RPL21: variants seen among roughly 807,000 people sequenced by gnomAD.
RPL21 encodes large ribosomal subunit protein eL21.
A neutral mutation model predicts 21.2 loss-of-function variants in RPL21; 1 was observed. The ratio of observed to expected loss-of-function variants is 0.05; its 90% CI spans 0.02 to 0.22. The LOEUF is 0.22. Ranked by LOEUF, RPL21 falls within the 10% of genes least tolerant of loss-of-function variation. RPL21 has a pLI of 1.00. For missense variants in RPL21, 113 were observed against 199.4 expected (o/e 0.57, Z 2.61); for synonymous variants, 52 against 62.9 (o/e 0.83, Z 0.82).
intron 2 of RPL21, 91 bp downstream of exon 2, chr13:27,253,934 A>G (rs1045969582): frequency 9.9e-6 from 8 of 811,824 alleles, no homozygotes; most frequent in African/African-American, 1.7e-5. Context: ...AATGTGTATC[A>G]ATAGAATTAA....
In RPL21 at chr13:27,255,324, C is replaced by G; in HGVS notation, c.212C>G (p.Ala71Gly). The G allele has an allele frequency of 7.0e-7, 1 of 1,430,694 alleles. No homozygotes were observed. The allele number at this position is 1,430,694 out of a possible 1,614,324, so 88.6% of individuals were successfully genotyped here. A position where few individuals can be genotyped will look rare whatever the true frequency, so the allele number is the denominator to read the frequency against. ...TGRVYNVTQH[A>G]VGIVVNKQVK... ...AGAGTCTACAATGTTACCCAGCATG[C>G]TGTTGGCATTGTTGTAAACAAACAA... Residue 71 changes from alanine (A) to glycine (G), a missense_variant, in exon 4 of 6, where the codon GCT (alanine) becomes GGT (glycine). Transcript: ENST00000311549.
At chr13:27,253,360 T>C (rs1295450846) in intron 1 of RPL21, among the ~76,000 whole-genome samples, 1 of 152,166 alleles carries the variant, frequency 6.6e-6, no homozygotes, top group Non-Finnish European at 1.5e-5. Flanking sequence ...AAAGGTTTAA[T>C]TCACATAAAA....
chr13:27,255,866 C>G (rs1282136849), intron 4 of RPL21: 1 of 329,098 alleles, frequency 3.0e-6, no homozygotes, highest in Non-Finnish European at 5.8e-6. Context: ...GCCACCGCGC[C>G]TGGCCCAGCA....
In RPL21 at chr13:27,256,187, C is replaced by T. The variant is rs1881893684; in HGVS notation, c.246C>T (p.Gly82=). The T allele has an allele frequency of 6.3e-7, 1 of 1,591,082 alleles. No homozygotes were observed. ...VGIVVNKQVK[G]KILAKRINVR... ...AAAGAATTTCTGCTCTGTCCAGGGG[C>T]AAGATTCTTGCCAAGAGAATTAATG... is the stretch of plus-strand genomic sequence containing the variant. Residue 82 remains glycine, a synonymous_variant, in exon 5 of 6, where the codon GGC becomes GGT. Transcript: ENST00000311549.
chr13:27,255,922 A>G, intron 4 of RPL21: 1 of 411,094 alleles, frequency 2.4e-6, no homozygotes. Context: ...TTTAAATTTT[A>G]TTAGCAGTCT....
In RPL21 at chr13:27,255,173, G is replaced by A. The variant is rs3094293; in HGVS notation, c.130-69G>A. ...TTTGAAAGAAATCTTAGAATACTTTGCAGTTACTTAAAGTCAGAATTTTAA... is the reference window on the plus strand; with the variant it reads ...TTTGAAAGAAATCTTAGAATACTTTACAGTTACTTAAAGTCAGAATTTTAA... On this transcript the variant is annotated intron_variant, in intron 3 of 5. Coordinates refer to ENST00000311549, the MANE Select transcript of RPL21 (RefSeq NM_000982.4). The A allele has an allele frequency of 1, 789,213 of 793,018 alleles. 392,799 individuals carry two copies. Among genetic ancestry groups the A allele is most frequent in the East Asian group, 1 (41,246 of 41,246 alleles). 49.1% of individuals were successfully genotyped at this position (793,018 alleles called of 1,614,324 possible).
chr13:27,252,218 T>C (rs140644530), intron 1 of RPL21, among the ~76,000 whole-genome samples: 54 of 152,280 alleles, frequency 3.5e-4, no homozygotes, highest in African/African-American at 1.3e-3. Flanking sequence ...TGACCCCACA[T>C]GGTGATCGGA....
At chr13:27,255,613 C>T (rs1315523157) in intron 4 of RPL21, 1 of 573,726 alleles carries the variant, frequency 1.7e-6, no homozygotes, top group Non-Finnish European at 3.3e-6. Context: ...GCTCTGTCGC[C>T]CTGGCTGGAG....
intron 4 of RPL21, 119 bp from the exon 5 acceptor site, chr13:27,256,065 T>C: frequency 1.3e-6 from 1 of 775,256 alleles, no homozygotes; most frequent in East Asian, 2.7e-5. Flanking sequence ...ACTTTGTTGA[T>C]TTGTCATATC....
In RPL21 at chr13:27,255,292, A is replaced by T; in HGVS notation, c.180A>T (p.Lys60Asn). ...KGMPHKCYHG[K>N]TGRVYNVTQH... is the part of the protein sequence containing the mutation. ...TGCCCCACAAGTGTTACCATGGCAA[A>T]ACTGGAAGAGTCTACAATGTTACCC... The change falls in exon 4 of 6, where the codon AAA becomes AAT. Residue 60 changes from lysine to asparagine, a missense_variant. By Grantham distance (94) the Lys-to-Asn change is moderately conservative. Transcript: ENST00000311549. The T allele has an allele frequency of 1.3e-6, 2 of 1,518,674 alleles. No individual in the cohort carries two copies. Among genetic ancestry groups the T allele is most frequent in the Non-Finnish European group, 1.8e-6 (2 of 1,092,974 alleles). 94.1% of individuals were successfully genotyped at this position (1,518,674 alleles called of 1,614,324 possible). A position where few individuals can be genotyped will look rare whatever the true frequency, so the allele number is the denominator to read the frequency against.
In RPL21 at chr13:27,256,522, A is replaced by G. The variant is rs1433976035; in HGVS notation, c.480A>G (p.Ala160=). 1.6e-6 allele frequency: 2 copies of G among 1,253,112 alleles called. No homozygotes were observed. Among genetic ancestry groups the G allele is most frequent in the East Asian group, 2.3e-5 (1 of 43,232 alleles). 77.6% of individuals were successfully genotyped at this position (1,253,112 alleles called of 1,614,324 possible). A position where few individuals can be genotyped will look rare whatever the true frequency, so the allele number is the denominator to read the frequency against. The change falls in exon 6 of 6, where the codon GCA becomes GCG. Residue 160 remains alanine (A), a synonymous_variant. Transcript: ENST00000311549. ...AACCTATTCCCTATGAATTCATGGC[A>G]TAATAGGTGTTAAAAAAAAAAATAA... ...LLEPIPYEFM[A]
intron 5 of RPL21, 29 bp from the exon 6 acceptor site, chr13:27,256,407 T>C: frequency 6.4e-7 from 1 of 1,568,616 alleles, no homozygotes; most frequent in South Asian, 1.1e-5. Context: ...CACATAATTA[T>C]TTTATTCCCT....
In RPL21 at chr13:27,256,059, T is replaced by C. The variant is rs982940608; in HGVS notation, c.243-125T>C. 5 of 742,068 alleles carry C rather than the reference T, an allele frequency of 6.7e-6. No individual in the cohort carries two copies. The Admixed American group carries it at 6.9e-5, about 10-fold the overall frequency. 46.0% of individuals were successfully genotyped at this position (742,068 alleles called of 1,614,324 possible). A position where few individuals can be genotyped will look rare whatever the true frequency, so the allele number is the denominator to read the frequency against. ...TAAATTAAGTAATCAAGGCATACTT[T>C]GTTGATTTGTCATATCTGGGTAAAA... On this transcript the variant is annotated intron_variant, in intron 4 of 5. Transcript: ENST00000311549.
At chr13:27,253,536 TCTG>T (rs1881748961) in intron 1 of RPL21, among the ~76,000 whole-genome samples, 1 of 152,244 alleles carries the variant, frequency 6.6e-6, no homozygotes, top group African/African-American at 2.4e-5. Context: ...CGTATCAAGT[TCTG>T]CTCCTTAAGA....
chr13:27,253,722 C>G lies in RPL21; in HGVS notation c.-12-43C>G, dbSNP rs985119721. The G allele has an allele frequency of 2.3e-5, 25 of 1,097,878 alleles. No homozygotes were observed. The African/African-American group carries it at 3.4e-4, about 15-fold the overall frequency. The allele number at this position is 1,097,878 out of a possible 1,614,324, so 68.0% of individuals were successfully genotyped here. A position where few individuals can be genotyped will look rare whatever the true frequency, so the allele number is the denominator to read the frequency against. On this transcript the variant is annotated intron_variant, in intron 1 of 5. Coordinates refer to ENST00000311549, the MANE Select transcript of RPL21 (RefSeq NM_000982.4). The stretch of plus-strand genomic sequence containing the variant: ...AAATTACAGGGGTTTGGGGCAAATG[C>G]CAGTTTTCAGTCGTATTTGACTGTT...
intron 1 of RPL21, 33 bp from the exon 2 acceptor site, chr13:27,253,732 G>T: frequency 8.1e-7 from 1 of 1,232,062 alleles, no homozygotes; most frequent in Non-Finnish European, 1.2e-6. Flanking sequence ...CCAGTTTTCA[G>T]TCGTATTTGA....
intron 1 of RPL21, among the ~76,000 whole-genome samples, chr13:27,253,296 T>C (rs537545900): frequency 1.4e-4 from 21 of 152,370 alleles, no homozygotes; most frequent in Admixed American, 7.8e-4. Flanking sequence ...AGATTTCTGA[T>C]AGTTAAATAG....
At position 27,255,962 on chromosome 13, in the gene RPL21, A is replaced by G. The variant is rs111462631; in HGVS notation, c.243-222A>G. The G allele has an allele frequency of 8.1e-3, 4,317 of 529,718 alleles. 172 individuals carry two copies. The highest frequency in any genetic ancestry group is 0.074 in the African/African-American group (3,866 of 52,182). 32.8% of individuals were successfully genotyped at this position (529,718 alleles called of 1,614,324 possible). Reference sequence around the variant, plus strand: ...TTAGATTACTAGAGTTTAAGAGACCATCATCTCATCAAAGAGAGTTAAAAG... The same window carrying G: ...TTAGATTACTAGAGTTTAAGAGACCGTCATCTCATCAAAGAGAGTTAAAAG... On this transcript the variant is annotated intron_variant, in intron 4 of 5. Coordinates refer to ENST00000311549, the MANE Select transcript of RPL21 (RefSeq NM_000982.4).
chr13:27,252,258 C>G (rs1366967438), intron 1 of RPL21, among the ~76,000 whole-genome samples: 2 of 152,064 alleles, frequency 1.3e-5, no homozygotes, highest in African/African-American at 2.4e-5. Flanking sequence ...GGTTGCAACA[C>G]CAATATTTGC....
Sources: gnomAD v4.1 joint callset for allele counts (sites outside exome capture counted in the v4.1 genomes callset) on GRCh38, gnomAD v4.1.1 for gene constraint, MANE v1.5 for transcripts, NCBI Gene and HGNC (gene_info 2026-07-23, HGNC 2026-07-21) for gene names.